Variants in AHCTF1 observed in about 807,000 individuals in gnomAD.
AHCTF1 encodes protein ELYS.
A neutral mutation model predicts 248.4 loss-of-function variants in AHCTF1; 24 were observed. That is an observed-to-expected ratio of 0.10 (90% CI 0.07 to 0.14). The LOEUF is 0.14. Ranked by LOEUF, AHCTF1 falls within the 10% of genes least tolerant of loss-of-function variation. The pLI, the probability that AHCTF1 is intolerant of heterozygous loss-of-function variation, is 1.00. For synonymous variants in AHCTF1, 786 were observed against 929.8 expected (o/e 0.85, Z 2.81); for missense variants, 2,206 against 2,636.2 (o/e 0.84, Z 3.57).
intron 1 of AHCTF1, chr1:246,931,313 C>A (rs1464502623): frequency 2.6e-6 from 4 of 1,546,814 alleles, no homozygotes; most frequent in Admixed American, 3.9e-5. Flanking sequence ...ACCACCAGCG[C>A]CGCTCCGCCG....
intron 4 of AHCTF1, among the ~76,000 whole-genome samples, chr1:246,911,267 T>C (rs1187087526): frequency 2.6e-5 from 4 of 152,262 alleles, no homozygotes; most frequent in African/African-American, 9.6e-5. Context: ...AACCACAAAA[T>C]ACACTATGAA....
chr1:246,862,276 C>A (rs541594586), intron 27 of AHCTF1, 123 bp from the exon 28 acceptor site: 7 of 576,216 alleles, frequency 1.2e-5, no homozygotes, highest in South Asian at 6.5e-5. Context: ...GTCAGGAGAT[C>A]GAGACCATCC....
At chr1:246,894,805 T>C (rs1469148259) in intron 13 of AHCTF1, 57 bp from the exon 14 acceptor site, 9 of 1,467,498 alleles carry the variant, frequency 6.1e-6, no homozygotes, top group Admixed American at 5.3e-5. Flanking sequence ...AACAGAGTTC[T>C]AAATTGTTGG....
intron 4 of AHCTF1, among the ~76,000 whole-genome samples, chr1:246,909,247 T>TA (rs34089730): frequency 0.31 from 33,735 of 108,900 alleles, 5,167 homozygotes; most frequent in African/African-American, 0.44. Flanking sequence ...TCGGCTCTAC[T>TA]AAAAAAAAAA....
At chr1:246,926,299 C>G (rs1558286380) in intron 1 of AHCTF1, among the ~76,000 whole-genome samples, 2 of 152,150 alleles carry the variant, frequency 1.3e-5, no homozygotes, top group African/African-American at 2.4e-5. Flanking sequence ...CTAATTCAAA[C>G]TTTGAATCCA....
chr1:246,862,690 C>T (rs1661658044), intron 27 of AHCTF1, among the ~76,000 whole-genome samples: 1 of 151,270 alleles, frequency 6.6e-6, no homozygotes, highest in Non-Finnish European at 1.5e-5. Context: ...TTATTTCCAA[C>T]TTAAATTCAA....
At chr1:246,870,497 T>C (rs950830636) in intron 24 of AHCTF1, among the ~76,000 whole-genome samples, 2 of 152,012 alleles carry the variant, frequency 1.3e-5, no homozygotes, top group East Asian at 1.9e-4. Context: ...AAATGAGGAA[T>C]TGCTTCTTAC....
intron 23 of AHCTF1, 55 bp downstream of exon 23, chr1:246,876,895 G>C (rs1168848734): frequency 6.3e-7 from 1 of 1,586,762 alleles, no homozygotes; most frequent in Non-Finnish European, 8.6e-7. Context: ...AACCAAAAAA[G>C]CCTCCAGTTT....
chr1:246,907,335 GA>G (rs954895574), intron 5 of AHCTF1, among the ~76,000 whole-genome samples: 1 of 151,896 alleles, frequency 6.6e-6, no homozygotes, highest in Non-Finnish European at 1.5e-5. Context: ...AATAAACACT[GA>G]AAAAAAATAA....
intron 4 of AHCTF1, among the ~76,000 whole-genome samples, chr1:246,911,908 G>C (rs1363955138): frequency 6.6e-6 from 1 of 151,930 alleles, no homozygotes; most frequent in Non-Finnish European, 1.5e-5. Context: ...TTCTTGTTAA[G>C]TATAGTTTTT....
chr1:246,929,117 G>A (rs1317720782), intron 1 of AHCTF1, among the ~76,000 whole-genome samples: 1 of 152,140 alleles, frequency 6.6e-6, no homozygotes, highest in Non-Finnish European at 1.5e-5. Context: ...GGAAATAAAA[G>A]AGTACAGTGG....
chr1:246,862,200 G>T lies in AHCTF1; in HGVS notation c.3541-47C>A, dbSNP rs1421852407. 2.7e-6 allele frequency: 4 copies of T among 1,484,736 alleles called. No homozygotes were observed. The East Asian group carries it at 7.2e-5, about 27-fold the overall frequency. The allele number at this position is 1,484,736 out of a possible 1,614,324, so 92.0% of individuals were successfully genotyped here. ...ATTACACCATTAAAAGTGCTTATAG[G>T]CCGGGCGCGGTGGCTCACGCCTGTA... On this transcript the variant is annotated intron_variant, in intron 27 of 35. Coordinates refer to ENST00000648844, the MANE Select transcript of AHCTF1 (RefSeq NM_001323342.2).
intron 21 of AHCTF1, among the ~76,000 whole-genome samples, chr1:246,878,792 G>GT (rs1430004583): frequency 2.0e-5 from 3 of 152,178 alleles, no homozygotes; most frequent in Admixed American, 6.5e-5. Flanking sequence ...TGGAACTAGA[G>GT]TATTTCCACA....
chr1:246,903,603 G>A (rs2103180995), intron 7 of AHCTF1, among the ~76,000 whole-genome samples: 1 of 151,934 alleles, frequency 6.6e-6, no homozygotes, highest in South Asian at 2.1e-4. Flanking sequence ...TTCGAGGTGG[G>A]TGGATCACGA....
chr1:246,845,873 A>G (rs972233742), intron 33 of AHCTF1, among the ~76,000 whole-genome samples: 27 of 152,198 alleles, frequency 1.8e-4, no homozygotes, highest in Admixed American at 7.9e-4. Context: ...CCTGTGGCCA[A>G]TGCAAACCAT....
In AHCTF1 at chr1:246,887,273, T is replaced by C. The variant is rs138324049; in HGVS notation, c.2410A>G (p.Ile804Val). 201 of 1,613,398 alleles carry C rather than the reference T, an allele frequency of 1.2e-4. No homozygotes were observed. Among genetic ancestry groups the C allele is most frequent in the Non-Finnish European group, 1.6e-4 (192 of 1,179,720 alleles). The change falls in exon 20 of 36, where the codon ATT becomes GTT. Residue 804 changes from isoleucine (I) to valine (V), a missense_variant. By Grantham distance (29) the Ile-to-Val change is conservative (BLOSUM62 3). This residue lies in a region of AHCTF1 where 650 missense variants were observed against 870.8 expected (regional missense o/e 0.75). Transcript: ENST00000648844. ...ATAAGTTTAACTTGGCCCCAAGAAA[T>C]GGCAAATACAGTTGGGAAAGATTCA... ...PIESFPTVFA[I>V]SWGQVKLIQG...
Position 246,895,906 on chromosome 1 carries a change from A to AT in AHCTF1, c.1642dup (p.Ile548AsnfsTer9). ...ACTAGTCTGAATTGCTGCTGACAAT[A>AT]TAGCTTCTAACTGTTCTTCCTAAAC... On this transcript the variant is annotated frameshift_variant, in exon 13 of 36. Transcript: ENST00000648844. LOFTEE classifies it high-confidence loss of function. The AT allele has an allele frequency of 6.2e-7, 1 of 1,613,540 alleles. No homozygotes were observed. The highest frequency in any genetic ancestry group is 2.2e-5 in the East Asian group (1 of 44,856).
chr1:246,858,317 T>C (rs946731478), intron 29 of AHCTF1, among the ~76,000 whole-genome samples: 1 of 152,144 alleles, frequency 6.6e-6, no homozygotes, highest in Non-Finnish European at 1.5e-5. Context: ...AACCTCTCGC[T>C]TTTCACTTTT....
chr1:246,862,634 A>G (rs1248245832), intron 27 of AHCTF1, among the ~76,000 whole-genome samples: 1 of 152,230 alleles, frequency 6.6e-6, no homozygotes, highest in Non-Finnish European at 1.5e-5. Context: ...AGCTTTTTAT[A>G]CGTAAGTCTA....
Sources: gnomAD v4.1 joint callset for allele counts (sites outside exome capture counted in the v4.1 genomes callset) on GRCh38, gnomAD v4.1.1 for gene constraint, gnomAD v4.1.1 regional missense constraint, MANE v1.5 for transcripts, NCBI Gene and HGNC (gene_info 2026-07-23, HGNC 2026-07-21) for gene names.